Variants in PLEKHG1 observed in about 807,000 individuals in gnomAD.
The protein encoded by PLEKHG1 is pleckstrin homology domain-containing family G member 1.
A neutral mutation model predicts 100.8 loss-of-function variants in PLEKHG1; 44 were observed. That is an observed-to-expected ratio of 0.44 (90% CI 0.34 to 0.56). The LOEUF is 0.56. PLEKHG1 is among the 20% of genes least tolerant of loss of function. PLEKHG1 has a pLI of 0.01. For synonymous variants in PLEKHG1, 640 were observed against 662.5 expected (o/e 0.97, Z 0.52); for missense variants, 1,545 against 1,720.9 (o/e 0.90, Z 1.81).
chr6:150,615,029 C>T (rs1379191483), intron 1 of PLEKHG1, among the ~76,000 whole-genome samples: 2 of 152,138 alleles, frequency 1.3e-5, no homozygotes, highest in Non-Finnish European at 2.9e-5. Flanking sequence ...AGATTCATAT[C>T]CAGGTGAAAT....
chr6:150,606,591 A>T (rs1040542900), intron 1 of PLEKHG1, among the ~76,000 whole-genome samples: 1 of 152,130 alleles, frequency 6.6e-6, no homozygotes, highest in Non-Finnish European at 1.5e-5. Flanking sequence ...ACCACCCTCT[A>T]AACTTGAATC....
intron 1 of PLEKHG1, among the ~76,000 whole-genome samples, chr6:150,724,563 T>TC (rs1338719279): frequency 1.6e-4 from 23 of 145,858 alleles, no homozygotes; most frequent in African/African-American, 5.8e-4. Flanking sequence ...TTTTTCTTTT[T>TC]TTTTTTTTTT....
At chr6:150,641,950 A>AC (rs919315325) in intron 2 of PLEKHG1, among the ~76,000 whole-genome samples, 2 of 150,260 alleles carry the variant, frequency 1.3e-5, no homozygotes, top group African/African-American at 4.9e-5. Flanking sequence ...GATGTAAGTA[A>AC]CCCTTTTTTT....
chr6:150,829,486 C>T (rs373133539), intron 14 of PLEKHG1, among the ~76,000 whole-genome samples: 3 of 152,014 alleles, frequency 2.0e-5, no homozygotes, highest in East Asian at 1.9e-4. Flanking sequence ...GGCGTGGTGG[C>T]GGGCACCTAT....
At chr6:150,841,204 C>T (rs975405707) in exon 16 of PLEKHG1, 45 of 445,202 alleles carry the variant, frequency 1.0e-4, no homozygotes, top group Non-Finnish European at 1.6e-4. Flanking sequence ...ATAGTGCCCA[C>T]ACCTTAAGAA....
At chr6:150,837,329 A>G (rs1777283562) in intron 15 of PLEKHG1, among the ~76,000 whole-genome samples, 1 of 152,236 alleles carries the variant, frequency 6.6e-6, no homozygotes, top group African/African-American at 2.4e-5. Context: ...TCAAGTAAGG[A>G]GAAGATAGGG....
chr6:150,630,336 G>A (rs1401804868), intron 1 of PLEKHG1, among the ~76,000 whole-genome samples: 1 of 152,194 alleles, frequency 6.6e-6, no homozygotes, highest in East Asian at 1.9e-4. Flanking sequence ...GTGGCCAGGA[G>A]GTGACTGTAC....
At chr6:150,615,015 C>G (rs1777008083) in intron 1 of PLEKHG1, among the ~76,000 whole-genome samples, 1 of 152,156 alleles carries the variant, frequency 6.6e-6, no homozygotes, top group South Asian at 2.1e-4. Flanking sequence ...CCGAATTACC[C>G]TTTAGATTCA....
At chr6:150,604,780 C>G (rs1372362435) in intron 1 of PLEKHG1, among the ~76,000 whole-genome samples, 1 of 152,200 alleles carries the variant, frequency 6.6e-6, no homozygotes, top group African/African-American at 2.4e-5. Flanking sequence ...CAACATTCTA[C>G]TTTGAGTTAG....
intron 2 of PLEKHG1, among the ~76,000 whole-genome samples, chr6:150,741,707 G>A (rs1782868825): frequency 6.6e-6 from 1 of 152,188 alleles, no homozygotes; most frequent in African/African-American, 2.4e-5. Context: ...AGCTGGAACT[G>A]AAAAGCAGGC....
intron 3 of PLEKHG1, among the ~76,000 whole-genome samples, chr6:150,684,667 G>T (rs1306797443): frequency 2.0e-5 from 3 of 152,122 alleles, no homozygotes; most frequent in Non-Finnish European, 4.4e-5. Context: ...CCTCCAAGAA[G>T]AGCACCACTA....
intron 6 of PLEKHG1, among the ~76,000 whole-genome samples, chr6:150,801,489 G>A (rs914908875): frequency 3.6e-5 from 5 of 138,812 alleles, no homozygotes; most frequent in African/African-American, 5.5e-5. Flanking sequence ...CCAGGCTGGC[G>A]TACAGTGGTG....
intron 1 of PLEKHG1, among the ~76,000 whole-genome samples, chr6:150,722,349 C>CTTTTTTTTTTTTTTTTT (rs139069069): frequency 1.7e-4 from 15 of 90,642 alleles, no homozygotes; most frequent in Non-Finnish European, 2.1e-4. Context: ...TTTTTCTTTT[C>CTTTTTTTTTTTTTTTTT]TTTTTTTTTT....
chr6:150,633,752 G>A (rs913694252), intron 1 of PLEKHG1, among the ~76,000 whole-genome samples: 2 of 152,104 alleles, frequency 1.3e-5, no homozygotes, highest in African/African-American at 4.8e-5. Flanking sequence ...GAGAGGGAGC[G>A]TAGGCTCTAA....
Position 150,831,813 on chromosome 6 carries a change from C to A in PLEKHG1, c.2702C>A (p.Thr901Lys). 1 of 1,612,598 alleles carries A rather than the reference C, an allele frequency of 6.2e-7. No homozygotes were observed. The highest frequency in any genetic ancestry group is 8.5e-7 in the Non-Finnish European group (1 of 1,179,038). The change falls in exon 15 of 16, where the codon ACG becomes AAG. Residue 901 changes from threonine (T) to lysine (K), a missense_variant. Thr to Lys is a moderately conservative substitution (Grantham distance 78). Coordinates refer to ENST00000358517, the Ensembl canonical transcript of PLEKHG1. The surrounding 1 kb of genome is among the most constrained non-coding windows in gnomAD (Gnocchi z 4.1). Reference sequence around the variant, plus strand: ...CTGCCTGAGAGCCAGGCTCTCCTCACGCCCGTGAAGAGCAGGGCTGGCAGA... The same window carrying A: ...CTGCCTGAGAGCCAGGCTCTCCTCAAGCCCGTGAAGAGCAGGGCTGGCAGA...
At chr6:150,766,457 G>A (rs1784458082) in intron 2 of PLEKHG1, among the ~76,000 whole-genome samples, 1 of 152,220 alleles carries the variant, frequency 6.6e-6, no homozygotes, top group Non-Finnish European at 1.5e-5. Flanking sequence ...TGCTGCCTTA[G>A]TTTTCAGGAG....
chr6:150,758,767 C>T (rs144355160), intron 2 of PLEKHG1, among the ~76,000 whole-genome samples: 88 of 152,326 alleles, frequency 5.8e-4, no homozygotes, highest in African/African-American at 2.1e-3. Context: ...TACGGATGCT[C>T]TTCTACACAG....
intron 2 of PLEKHG1, among the ~76,000 whole-genome samples, chr6:150,747,955 C>T (rs192123012): frequency 3.8e-3 from 576 of 152,136 alleles, no homozygotes; most frequent in Non-Finnish European, 6.4e-3. Context: ...CAAGTACATT[C>T]ACATTGTTGT....
At chr6:150,804,203 TCG>T (rs1786904530) in intron 6 of PLEKHG1, among the ~76,000 whole-genome samples, 1 of 96,464 alleles carries the variant, frequency 1.0e-5, no homozygotes, top group Admixed American at 1.1e-4. Context: ...TTTTTTTTTT[TCG>T]AGGCAGAGTC....
Sources: gnomAD v4.1 joint callset for allele counts (sites outside exome capture counted in the v4.1 genomes callset) on GRCh38, gnomAD v4.1.1 for gene constraint, Gnocchi (gnomAD v3.1) non-coding constraint, MANE v1.5 for transcripts, NCBI Gene and HGNC (gene_info 2026-07-23, HGNC 2026-07-21) for gene names.